Variants in SLC25A18 observed in about 807,000 individuals in gnomAD.
The protein encoded by SLC25A18 is solute carrier family 25 member 18, also known as mitochondrial glutamate carrier 2.
In SLC25A18, 24 loss-of-function variants were observed where a neutral mutation model predicts 31.1. That is an observed-to-expected ratio of 0.77 (90% CI 0.56 to 1.08). The LOEUF is 1.08. Ranked by LOEUF, SLC25A18 falls within the 50% of genes least tolerant of loss-of-function variation. The pLI is 0.00. For synonymous variants in SLC25A18, 173 were observed against 161.9 expected, an observed-to-expected ratio of 1.07 and a Z score of -0.52; for missense variants, 371 against 418.5, an observed-to-expected ratio of 0.89 and a Z score of 0.99.
At chr22:17,579,020 G>A (rs2057302471) in intron 2 of SLC25A18, among the ~76,000 whole-genome samples, 1 of 152,192 alleles carries the variant, frequency 6.6e-6, no homozygotes, top group African/African-American at 2.4e-5. Context: ...AGAAAACACA[G>A]TTTAATAGCC....
chr22:17,576,561 G>A (rs2057234973), intron 2 of SLC25A18, among the ~76,000 whole-genome samples: 1 of 152,144 alleles, frequency 6.6e-6, no homozygotes, highest in African/African-American at 2.4e-5. Flanking sequence ...GCAGTTATCG[G>A]CCCTGGTGCC....
chr22:17,577,180 A>G (rs918282920), intron 2 of SLC25A18, among the ~76,000 whole-genome samples: 2 of 151,742 alleles, frequency 1.3e-5, no homozygotes, highest in Non-Finnish European at 2.9e-5. Context: ...CCACCACCAC[A>G]CCCGGCCAAT....
chr22:17,582,769 C>T, intron 6 of SLC25A18, 116 bp downstream of exon 6: 1 of 876,990 alleles, frequency 1.1e-6, no homozygotes, highest in Middle Eastern at 2.7e-4. Context: ...TAAATATGTG[C>T]ACACATGGCT....
intron 3 of SLC25A18, chr22:17,580,551 T>A (rs1412840642): frequency 2.0e-6 from 2 of 989,666 alleles, no homozygotes; most frequent in East Asian, 2.2e-4. Context: ...ATAGCTGGCA[T>A]TCCCCCCCAG....
intron 7 of SLC25A18, among the ~76,000 whole-genome samples, chr22:17,584,355 T>C (rs1191916293): frequency 6.9e-6 from 1 of 145,136 alleles, no homozygotes; most frequent in African/African-American, 2.6e-5. Context: ...CTTGCGCCAC[T>C]GCACTCCAGC....
rs1372961075 is a variant in SLC25A18 at position 17,590,827 on chromosome 22, T to A, written c.*591T>A. 6.6e-6 allele frequency: 1 copy of A among 152,316 alleles called. No homozygotes were observed. Among genetic ancestry groups the A allele is most frequent in the African/African-American group, 2.4e-5 (1 of 41,358 alleles). 9.4% of individuals were successfully genotyped at this position (152,316 alleles called of 1,614,324 possible). ...TCAGCCCCTCCCCCAGAGCCCAGGG[T>A]CTTGCACACCCCTCCCTGTAACCAA... On this transcript the variant is annotated 3_prime_UTR_variant, in exon 11 of 11. Transcript: ENST00000327451.
At chr22:17,577,036 G>A (rs1218423666) in intron 2 of SLC25A18, among the ~76,000 whole-genome samples, 1 of 150,002 alleles carries the variant, frequency 6.7e-6, no homozygotes, top group Non-Finnish European at 1.5e-5. Context: ...ATTTTTTTGG[G>A]GTGGGGGACA....
chr22:17,581,805 AG>A (rs1490931519), intron 5 of SLC25A18: 1 of 206,218 alleles, frequency 4.8e-6, no homozygotes, highest in Non-Finnish European at 9.9e-6. Flanking sequence ...CCCAGCCAGG[AG>A]GTACCTTGGA....
At chr22:17,580,079 A>G (rs1344953326) in intron 3 of SLC25A18, 115 bp downstream of exon 3, 1 of 975,976 alleles carries the variant, frequency 1.0e-6, no homozygotes, top group Non-Finnish European at 1.6e-6. Flanking sequence ...GAAGAGCAAG[A>G]CCCCTGTCCC....
intron 1 of SLC25A18, 126 bp from the exon 2 acceptor site, chr22:17,569,798 T>G: frequency 4.1e-6 from 4 of 985,384 alleles, no homozygotes; most frequent in Non-Finnish European, 4.8e-6. Context: ...TATTTGAAGG[T>G]GCAGTGTGCG....
chr22:17,584,672 C>T lies in SLC25A18; in HGVS notation c.409+1138C>T, dbSNP rs555515086. 2.8e-5 allele frequency among the ~76,000 whole-genome samples: 4 copies of T among 144,588 alleles called. No homozygotes were observed. The East Asian group carries it at 6.5e-4, about 23-fold the overall frequency. The allele number at this position is 144,588 out of a possible 152,430, so 94.9% of individuals were successfully genotyped here. On this transcript the variant is annotated intron_variant, in intron 7 of 10. Transcript: ENST00000327451. ...GTGTGTGCCTATAATCTCAGCTACT[C>T]GGGAGGCTGAGGCAGGAGAATCGCT...
chr22:17,587,128 C>T lies in SLC25A18; in HGVS notation c.410-8C>T. The stretch of plus-strand genomic sequence containing the variant: ...ACCAGGTACTGATGTCTGTCCTTTC[C>T]CTTCCAGCCGTCCATCATCAGGGCT... On this transcript the variant is annotated splice_region_variant and splice_polypyrimidine_tract_variant and intron_variant, in intron 7 of 10. Coordinates refer to ENST00000327451, the MANE Select transcript of SLC25A18 (RefSeq NM_031481.3). 1 of 1,613,328 alleles carries T rather than the reference C, an allele frequency of 6.2e-7. No individual in the cohort carries two copies. Among genetic ancestry groups the T allele is most frequent in the Middle Eastern group, 1.7e-4 (1 of 6,056 alleles).
At chr22:17,587,097 T>C (rs1485654232) in intron 7 of SLC25A18, 39 bp from the exon 8 acceptor site, 2 of 1,604,300 alleles carry the variant, frequency 1.2e-6, no homozygotes, top group African/African-American at 1.3e-5. Flanking sequence ...GTAGCATCTG[T>C]TGGGGACCAG....
chr22:17,569,560 G>T, intron 1 of SLC25A18: 1 of 962,286 alleles, frequency 1.0e-6, no homozygotes, highest in African/African-American at 1.8e-5. Context: ...AAGTGTTTGC[G>T]TTGCATTGAT....
At position 17,579,772 on chromosome 22, in the gene SLC25A18, GT is replaced by G. The variant is rs1569184835; in HGVS notation, c.-172del. ...GAGGAAGCCGCAGCCCAAGGAGGTC[GT>G]CACTTGCCGGGAAGGTGGCTCGGGC... On this transcript the variant is annotated 5_prime_UTR_variant, in exon 3 of 11. Coordinates refer to ENST00000327451, the MANE Select transcript of SLC25A18 (RefSeq NM_031481.3). 1 of 1,407,310 alleles carries G rather than the reference GT, an allele frequency of 7.1e-7. No individual in the cohort carries two copies. The allele number at this position is 1,407,310 out of a possible 1,614,324, so 87.2% of individuals were successfully genotyped here. A position where few individuals can be genotyped will look rare whatever the true frequency, so the allele number is the denominator to read the frequency against.
At chr22:17,582,967 TAGGAGGTTG>T (rs2057420965) in intron 6 of SLC25A18, among the ~76,000 whole-genome samples, 1 of 152,114 alleles carries the variant, frequency 6.6e-6, no homozygotes, top group South Asian at 2.1e-4. Flanking sequence ...CCCAGCACTT[TAGGAGGTTG>T]AGGAAGGAGG....
At chr22:17,587,733 C>T (rs371843201) in intron 8 of SLC25A18, 192 bp from the exon 9 acceptor site, 32 of 654,350 alleles carry the variant, frequency 4.9e-5, no homozygotes, top group Admixed American at 1.8e-4. Flanking sequence ...GCTGGGACGG[C>T]GGAACAGATG....
intron 7 of SLC25A18, among the ~76,000 whole-genome samples, chr22:17,585,756 C>T (rs2057533012): frequency 6.6e-6 from 1 of 150,870 alleles, no homozygotes; most frequent in African/African-American, 2.5e-5. Flanking sequence ...TCAAGTGATT[C>T]TCCTGCCTCA....
intron 2 of SLC25A18, among the ~76,000 whole-genome samples, chr22:17,579,068 TTTGTTTG>T (rs2057304385): frequency 4.9e-4 from 2 of 4,052 alleles, no homozygotes; most frequent in African/African-American, 2.3e-3. Flanking sequence ...GGGTTTTTTG[TTTGTTTG>T]TTTGTTTGTT....
Sources: gnomAD v4.1 joint callset for allele counts (sites outside exome capture counted in the v4.1 genomes callset) on GRCh38, gnomAD v4.1.1 for gene constraint, MANE v1.5 for transcripts, NCBI Gene and HGNC (gene_info 2026-07-23, HGNC 2026-07-21) for gene names.